Variants in C19orf47 observed in about 807,000 individuals in gnomAD.
C19orf47 encodes the protein chromosome 19 open reading frame 47, also known as uncharacterized protein C19orf47.
In C19orf47, 18 loss-of-function variants were observed where a neutral mutation model predicts 32.3. The ratio of observed to expected loss-of-function variants is 0.56; its 90% CI spans 0.39 to 0.83. C19orf47 has a LOEUF of 0.83. Among genes scored for constraint, C19orf47 ranks in the 40% least tolerant of loss-of-function variants. The pLI is 0.00. For synonymous variants in C19orf47, 202 were observed against 211.1 expected (o/e 0.96, Z 0.37); for missense variants, 484 against 531.6 (o/e 0.91, Z 0.88).
the C19orf47 span, among the ~76,000 whole-genome samples, chr19:40,304,391 G>A: frequency 2.0e-5 from 3 of 152,180 alleles, no homozygotes; most frequent in Admixed American, 1.3e-4. Context: ...TCAGTGTCAC[G>A]AATCCCCTCC....
At chr19:40,312,696 G>C in the C19orf47 span, among the ~76,000 whole-genome samples, 1 of 152,298 alleles carries the variant, frequency 6.6e-6, no homozygotes, top group South Asian at 2.1e-4. Flanking sequence ...CCCCAGATAA[G>C]TGCCAGTACT....
intron 2 of C19orf47, among the ~76,000 whole-genome samples, chr19:40,338,627 C>T (rs760427026): frequency 2.0e-5 from 3 of 152,234 alleles, no homozygotes; most frequent in African/African-American, 4.8e-5. Context: ...GTGTGATCCA[C>T]ATGCCCTGGC....
At chr19:40,314,411 G>A in the C19orf47 span, among the ~76,000 whole-genome samples, 1 of 152,108 alleles carries the variant, frequency 6.6e-6, no homozygotes, top group Non-Finnish European at 1.5e-5. Context: ...TGGGCAACAA[G>A]AACGAAACTC....
chr19:40,305,613 G>C, the C19orf47 span, among the ~76,000 whole-genome samples: 1 of 152,074 alleles, frequency 6.6e-6, no homozygotes, highest in Non-Finnish European at 1.5e-5. Context: ...AACATTCACT[G>C]TCTAAAAGGA....
chr19:40,314,535 T>A, the C19orf47 span, among the ~76,000 whole-genome samples: 350 of 152,216 alleles, frequency 2.3e-3, no homozygotes, highest in African/African-American at 7.6e-3. Context: ...ATAAAGAAAG[T>A]AACGTTGGAT....
In C19orf47 at chr19:40,322,119, C is replaced by T. The variant is rs138317244; in HGVS notation, c.921G>A (p.Pro307=). The T allele has an allele frequency of 2.7e-3, 4,339 of 1,614,104 alleles. 9 individuals carry two copies. The highest frequency in any genetic ancestry group is 2.9e-3 in the Non-Finnish European group (3,419 of 1,180,038). Residue 307 remains proline (P), a synonymous_variant, in exon 9 of 9, where the codon CCG becomes CCA. Transcript: ENST00000683109. The part of the protein sequence containing the change: ...LSSRSGLERK[P]ESLSKVSIIK... ...TGATGCTGACTTTAGACAAGGACTC[C>T]GGCTTCCTCTCAAGCCCAGACCGTG...
chr19:40,340,766 C>A (rs1388545206), intron 2 of C19orf47, among the ~76,000 whole-genome samples: 1 of 149,506 alleles, frequency 6.7e-6, no homozygotes, highest in African/African-American at 2.5e-5. Flanking sequence ...ATCTCTTGAG[C>A]ACAGGAGTTC....
chr19:40,328,725 C>T lies in C19orf47; in HGVS notation c.302-175G>A, dbSNP rs779390490. Among the ~76,000 whole-genome samples the T allele has an allele frequency of 1.4e-4, 22 of 152,144 alleles. No homozygotes were observed. In the Middle Eastern group the frequency reaches 0.02, roughly 141 times the overall value. ...TGGGGATGCTTGGGGGCAGGGTGGG[C>T]TGCATCTCCCCAGGAACTAGCCCAT... On this transcript the variant is annotated intron_variant, in intron 5 of 8. Transcript: ENST00000683109.
In C19orf47 at chr19:40,336,502, C is replaced by T. The variant is rs989786009; in HGVS notation, c.20-95G>A. 2.7e-6 allele frequency: 3 copies of T among 1,111,084 alleles called. No homozygotes were observed. In the African/African-American group the frequency reaches 4.6e-5, roughly 17 times the overall value. The allele number at this position is 1,111,084 out of a possible 1,614,324, so 68.8% of individuals were successfully genotyped here. On this transcript the variant is annotated intron_variant, in intron 2 of 8. Transcript: ENST00000683109. ...CACAGCAGCTCCCACAAATTAAATG[C>T]TCATCATATGCCAGGCCCTGCATGG...
Position 40,319,933 on chromosome 19 carries a change from C to T in C19orf47, c.*1949G>A, listed in dbSNP as rs1288006679. 1 of 154,218 alleles carries T rather than the reference C, an allele frequency of 6.5e-6. No homozygotes were observed. Among genetic ancestry groups the T allele is most frequent in the African/African-American group, 2.4e-5 (1 of 41,420 alleles). 9.6% of individuals were successfully genotyped at this position (154,218 alleles called of 1,614,324 possible). A position where few individuals can be genotyped will look rare whatever the true frequency, so the allele number is the denominator to read the frequency against. ...GCCTGAGCCCCAGCGGGGACCCTAA[C>T]AGGCGCAATGCAGTCAGAACACAGC... On this transcript the variant is annotated 3_prime_UTR_variant, in exon 9 of 9. Transcript: ENST00000683109.
At chr19:40,293,407 A>G in the C19orf47 span, among the ~76,000 whole-genome samples, 1 of 151,606 alleles carries the variant, frequency 6.6e-6, no homozygotes, top group Non-Finnish European at 1.5e-5. Flanking sequence ...CAGCCTCCCA[A>G]AGTGCTGGGA....
At chr19:40,295,141 C>CCTCAAATGACTCTCCTGCCTCAT in the C19orf47 span, among the ~76,000 whole-genome samples, 1 of 151,996 alleles carries the variant, frequency 6.6e-6, no homozygotes, top group Admixed American at 6.6e-5. Context: ...CCTGCCTCAG[C>CCTCAAATGACTCTCCTGCCTCAT]CTCCCAAGTA....
At chr19:40,338,292 A>C (rs57112819) in intron 2 of C19orf47, among the ~76,000 whole-genome samples, 9 of 104,634 alleles carry the variant, frequency 8.6e-5, no homozygotes, top group South Asian at 6.7e-4. Context: ...CACACACACA[A>C]ATATATATAT....
downstream of C19orf47, among the ~76,000 whole-genome samples, chr19:40,314,938 A>G (rs1217305501): frequency 6.6e-6 from 1 of 152,190 alleles, no homozygotes; most frequent in Non-Finnish European, 1.5e-5. Flanking sequence ...CATGAGAAAA[A>G]TATCAGACAA....
At chr19:40,292,959 A>G in the C19orf47 span, among the ~76,000 whole-genome samples, 1 of 152,082 alleles carries the variant, frequency 6.6e-6, no homozygotes, top group African/African-American at 2.4e-5. Flanking sequence ...CAATCTGCAT[A>G]ACAACTTTTA....
intron 5 of C19orf47, 56 bp downstream of exon 5, chr19:40,333,795 C>T (rs897380054): frequency 1.6e-4 from 231 of 1,403,706 alleles, no homozygotes; most frequent in Non-Finnish European, 2.0e-4. Flanking sequence ...GACGTGTCCC[C>T]TTCACTGACA....
chr19:40,327,483 A>C (rs939316882), intron 6 of C19orf47, among the ~76,000 whole-genome samples: 1 of 152,280 alleles, frequency 6.6e-6, no homozygotes, highest in South Asian at 2.1e-4. Flanking sequence ...TGTGGCACAC[A>C]AATCAAAGGC....
chr19:40,340,155 A>T (rs896518905), intron 2 of C19orf47, among the ~76,000 whole-genome samples: 1 of 151,972 alleles, frequency 6.6e-6, no homozygotes. Context: ...TGGATTTTTC[A>T]ATCTTTTTAT....
At chr19:40,303,294 T>TG in the C19orf47 span, among the ~76,000 whole-genome samples, 1 of 134,696 alleles carries the variant, frequency 7.4e-6, no homozygotes, top group Non-Finnish European at 1.6e-5. Context: ...GAGGCCGAGG[T>TG]GGGGGGATCA....
Sources: gnomAD v4.1 joint callset for allele counts (sites outside exome capture counted in the v4.1 genomes callset) on GRCh38, gnomAD v4.1.1 for gene constraint, MANE v1.5 for transcripts, NCBI Gene and HGNC (gene_info 2026-07-23, HGNC 2026-07-21) for gene names.